MTMR7: variants seen among roughly 807,000 people sequenced by gnomAD.
MTMR7 encodes phosphatidylinositol-3-phosphate phosphatase MTMR7.
In MTMR7, 76 loss-of-function variants were observed where a neutral mutation model predicts 81.2. The ratio of observed to expected loss-of-function variants is 0.94; its 90% CI spans 0.78 to 1.13. The LOEUF (loss-of-function observed/expected upper bound fraction) is 1.13, where lower values mean the gene tolerates loss of function less well. MTMR7 is among the 50% of genes most tolerant of loss of function. The pLI is 0.00. For missense variants in MTMR7, 1,044 were observed against 820.0 expected (o/e 1.27, Z -3.34); for synonymous variants, 372 against 289.8 (o/e 1.28, Z -2.88).
At position 17,300,182 on chromosome 8, in the gene MTMR7, C is replaced by T. The variant is rs1237087756; in HGVS notation, c.1663G>A (p.Val555Met). Residue 555 changes from valine (V) to methionine (M), a missense_variant, in exon 14 of 14, where the codon GTG becomes ATG. Val to Met is a conservative substitution (Grantham distance 21). Coordinates refer to ENST00000180173, the MANE Select transcript of MTMR7 (RefSeq NM_004686.5). ...CTGGGCTCACTTTGCTTACTCTTCA[C>T]CTTAGTGCAATTTAACTGGACCTTT... ...IQKVQLNCTK[V>M]KSKQSEPSKH... 2.5e-6 allele frequency: 4 copies of T among 1,613,670 alleles called. No homozygotes were observed. The highest frequency in any genetic ancestry group is 2.7e-5 in the African/African-American group (2 of 75,010).
At chr8:17,348,388 A>C in intron 5 of MTMR7, among the ~76,000 whole-genome samples, 1 of 147,372 alleles carries the variant, frequency 6.8e-6, no homozygotes, top group South Asian at 2.3e-4. Context: ...AAATACAAAA[A>C]AAAAACCCAA....
chr8:17,358,413 T>C (rs1289163100), intron 4 of MTMR7, among the ~76,000 whole-genome samples: 1 of 152,142 alleles, frequency 6.6e-6, no homozygotes, highest in Admixed American at 6.6e-5. Flanking sequence ...TGCAAACATG[T>C]TAGGACTTAA....
At chr8:17,317,409 A>C (rs1479842307) in intron 7 of MTMR7, among the ~76,000 whole-genome samples, 1 of 152,160 alleles carries the variant, frequency 6.6e-6, no homozygotes, top group Non-Finnish European at 1.5e-5. Flanking sequence ...CCAGTGTCCT[A>C]AGAGGACAGC....
intron 7 of MTMR7, among the ~76,000 whole-genome samples, chr8:17,322,623 C>T (rs1227967255): frequency 6.6e-6 from 1 of 151,940 alleles, no homozygotes; most frequent in African/African-American, 2.4e-5. Flanking sequence ...AGTTCAAGAT[C>T]AACCTGGGTA....
At chr8:17,354,060 A>G (rs1476520097) in intron 4 of MTMR7, among the ~76,000 whole-genome samples, 1 of 152,222 alleles carries the variant, frequency 6.6e-6, no homozygotes, top group Non-Finnish European at 1.5e-5. Flanking sequence ...TAGCCATCTA[A>G]GATGCAATCC....
At chr8:17,402,499 G>A (rs892276226) in intron 1 of MTMR7, among the ~76,000 whole-genome samples, 2 of 152,080 alleles carry the variant, frequency 1.3e-5, no homozygotes, top group South Asian at 2.1e-4. Context: ...ACAAATAAGC[G>A]AGAATATGTG....
chr8:17,403,464 G>A (rs1276287936), intron 1 of MTMR7, among the ~76,000 whole-genome samples: 1 of 152,122 alleles, frequency 6.6e-6, no homozygotes, highest in African/African-American at 2.4e-5. Flanking sequence ...ATACCATACT[G>A]TTTTGGTTAC....
At chr8:17,367,213 A>G (rs1563361531) in intron 3 of MTMR7, among the ~76,000 whole-genome samples, 1 of 152,220 alleles carries the variant, frequency 6.6e-6, no homozygotes, top group Non-Finnish European at 1.5e-5. Flanking sequence ...AATATCCAAA[A>G]GAACTGGGGA....
At chr8:17,328,262 G>C (rs1818798027) in intron 7 of MTMR7, among the ~76,000 whole-genome samples, 1 of 152,110 alleles carries the variant, frequency 6.6e-6, no homozygotes, top group Non-Finnish European at 1.5e-5. Flanking sequence ...CCCTCAACAA[G>C]TGGAGAGATG....
At chr8:17,390,073 TA>T (rs71215250) in intron 1 of MTMR7, among the ~76,000 whole-genome samples, 67,384 of 131,656 alleles carry the variant, frequency 0.51, 16,848 homozygotes, top group East Asian at 0.7. Flanking sequence ...GGGAATATGT[TA>T]AAAAAAAAAA....
intron 7 of MTMR7, among the ~76,000 whole-genome samples, chr8:17,315,024 T>C (rs750202297): frequency 5.5e-5 from 7 of 128,134 alleles, no homozygotes; most frequent in Admixed American, 2.3e-4. Flanking sequence ...GGCTATATAT[T>C]AGCCCTGTGG....
At chr8:17,309,232 G>T in intron 10 of MTMR7, 45 bp downstream of exon 10, 1 of 1,233,416 alleles carries the variant, frequency 8.1e-7, no homozygotes, top group Non-Finnish European at 1.2e-6. Context: ...TTCAGAAACA[G>T]TGCTTTTATT....
At chr8:17,340,513 C>G (rs2150541159) in intron 6 of MTMR7, among the ~76,000 whole-genome samples, 1 of 152,314 alleles carries the variant, frequency 6.6e-6, no homozygotes, top group African/African-American at 2.4e-5. Context: ...GTCCATCCCT[C>G]TGGGGACTTC....
At position 17,299,421 on chromosome 8, in the gene MTMR7, T is replaced by G; in HGVS notation, c.*441A>C. ...GTTTTTAGAAATATGTATAAGAGGG[T>G]CGGAAAGGAGGATAATGTCAGATGC... On this transcript the variant is annotated 3_prime_UTR_variant, in exon 14 of 14. Coordinates refer to ENST00000180173, the MANE Select transcript of MTMR7 (RefSeq NM_004686.5). 1 of 159,256 alleles carries G rather than the reference T, an allele frequency of 6.3e-6. No individual in the cohort carries two copies. 9.9% of individuals were successfully genotyped at this position (159,256 alleles called of 1,614,324 possible).
intron 1 of MTMR7, among the ~76,000 whole-genome samples, chr8:17,382,117 T>A (rs1305938224): frequency 6.6e-6 from 1 of 152,186 alleles, no homozygotes; most frequent in Admixed American, 6.5e-5. Context: ...AGTCACTCGG[T>A]AACCTGGATG....
Position 17,373,127 on chromosome 8 carries a change from T to C in MTMR7, c.138A>G (p.Lys46=), listed in dbSNP as rs1285215377. 3.1e-6 allele frequency: 5 copies of C among 1,613,624 alleles called. No homozygotes were observed. The African/African-American group carries it at 6.7e-5, about 22-fold the overall frequency. The stretch of plus-strand genomic sequence containing the variant: ...AATAAAGAAAGCATACCCATGTTTC[T>C]TTTCTTGGGTCAGGTGAATTTTCCA... ...IFVENSPDPR[K]ETWILHSQIS... Residue 46 remains lysine (K), a synonymous_variant, in exon 2 of 14, where the codon AAA becomes AAG. Transcript: ENST00000180173.
rs542790641 is a variant in MTMR7 at position 17,358,674 on chromosome 8, G to A, written c.468+2443C>T. Among the ~76,000 whole-genome samples the A allele has an allele frequency of 7.9e-4, 120 of 152,216 alleles. 2 individuals carry two copies. The highest frequency in any genetic ancestry group is 3.8e-3 in the Admixed American group (58 of 15,300). On this transcript the variant is annotated intron_variant, in intron 4 of 13. Transcript: ENST00000180173. ...ATTCTATAGGCCATGTGCACTGAAT[G>A]CAATATAAGGGACTAGAAACTAACA...
intron 1 of MTMR7, among the ~76,000 whole-genome samples, chr8:17,379,624 A>T (rs903573956): frequency 2.6e-5 from 4 of 152,214 alleles, no homozygotes; most frequent in Non-Finnish European, 4.4e-5. Flanking sequence ...TTGCCTTTTT[A>T]AAACTAGGAA....
chr8:17,396,711 C>G (rs1025055788), intron 1 of MTMR7, among the ~76,000 whole-genome samples: 1 of 152,010 alleles, frequency 6.6e-6, no homozygotes, highest in African/African-American at 2.4e-5. Flanking sequence ...AGTCAGCGGA[C>G]TGGGGTAGCG....
Sources: allele counts gnomAD v4.1 joint callset (sites outside exome capture counted in the v4.1 genomes callset), GRCh38; gene constraint gnomAD v4.1.1; transcripts MANE v1.5; gene names NCBI Gene and HGNC (gene_info 2026-07-23, HGNC 2026-07-21).